The following PTGR3 variants were observed in gnomAD, a reference collection of about 807,000 sequenced individuals.
PTGR3 encodes the protein zinc binding alcohol dehydrogenase domain containing 2.
the PTGR3 span, among the ~76,000 whole-genome samples, chr18:75,203,872 G>A: frequency 6.6e-6 from 1 of 152,154 alleles, no homozygotes; most frequent in African/African-American, 2.4e-5. Flanking sequence ...GCTTGCTTCT[G>A]GACTTCACAG....
At chr18:75,197,163 A>C in the PTGR3 span, 1 of 152,196 alleles carries the variant, frequency 6.6e-6, no homozygotes, top group African/African-American at 2.4e-5. Flanking sequence ...GGAAAAATAA[A>C]ATTCAAAGTT....
the PTGR3 span, chr18:75,201,368 T>C: frequency 1.3e-6 from 2 of 1,484,012 alleles, no homozygotes; most frequent in Non-Finnish European, 1.8e-6. Context: ...TTCTGAGACA[T>C]AAAGTGCCCA....
chr18:75,208,391 C>T, the PTGR3 span: 37 of 987,856 alleles, frequency 3.7e-5, no homozygotes, highest in African/African-American at 3.0e-4. Context: ...CAGCCGGGTC[C>T]CAGCCTCCTT....
chr18:75,199,892 A>G, the PTGR3 span: 2 of 152,616 alleles, frequency 1.3e-5, no homozygotes, highest in Non-Finnish European at 2.9e-5. Flanking sequence ...ATTTGGTTCC[A>G]TTTACCATAT....
chr18:75,202,238 C>G, the PTGR3 span: 1 of 1,614,170 alleles, frequency 6.2e-7, no homozygotes, highest in Non-Finnish European at 8.5e-7. Context: ...CTAGGGCCAC[C>G]ACCTCCCCAA....
the PTGR3 span, chr18:75,198,399 G>C: frequency 6.6e-6 from 1 of 152,124 alleles, no homozygotes; most frequent in Non-Finnish European, 1.5e-5. Context: ...TAATACTAAT[G>C]ACCATTTACA....
At chr18:75,208,938 G>C in the PTGR3 span, 1 of 1,589,508 alleles carries the variant, frequency 6.3e-7, no homozygotes, top group South Asian at 1.1e-5. Context: ...TTGGGGCTCA[G>C]CCGGGTCACC....
At chr18:75,198,906 C>T in the PTGR3 span, 1 of 152,590 alleles carries the variant, frequency 6.6e-6, no homozygotes, top group East Asian at 1.9e-4. Context: ...CGTTTCACCT[C>T]CCATTAGAGG....
the PTGR3 span, chr18:75,201,347 G>T: frequency 1.5e-6 from 2 of 1,348,166 alleles, no homozygotes; most frequent in South Asian, 1.4e-5. Flanking sequence ...AAAATAAATT[G>T]ATTTGAGTAA....
chr18:75,202,031 C>A, the PTGR3 span: 39 of 1,614,032 alleles, frequency 2.4e-5, no homozygotes, highest in Non-Finnish European at 3.3e-5. Flanking sequence ...AAACTTTTTT[C>A]CCTTCCGACA....
chr18:75,203,782 G>A, the PTGR3 span, among the ~76,000 whole-genome samples: 1 of 152,098 alleles, frequency 6.6e-6, no homozygotes. Flanking sequence ...TTTAGAGAAG[G>A]GAAAGAACCT....
At chr18:75,208,530 G>C in the PTGR3 span, 1 of 1,078,562 alleles carries the variant, frequency 9.3e-7, no homozygotes, top group Admixed American at 5.3e-5. Context: ...CCCCTTCTGG[G>C]TCCCGTCGGT....
At chr18:75,208,721 T>C in the PTGR3 span, 4 of 981,460 alleles carry the variant, frequency 4.1e-6, no homozygotes, top group Non-Finnish European at 1.3e-6. Context: ...TCTCGCAAAC[T>C]CAGGCTGTGC....
the PTGR3 span, among the ~76,000 whole-genome samples, chr18:75,202,665 C>CAAAAA: frequency 1.3e-5 from 1 of 79,092 alleles, no homozygotes; most frequent in Non-Finnish European, 3.1e-5. Flanking sequence ...TAGAAATAAG[C>CAAAAA]AAAAAAAAAA....
chr18:75,204,409 T>C, the PTGR3 span, among the ~76,000 whole-genome samples: 1 of 152,218 alleles, frequency 6.6e-6, no homozygotes, highest in Admixed American at 6.5e-5. Flanking sequence ...GGGGCTCTGC[T>C]GGGAGCTGGG....
At chr18:75,202,832 C>G in the PTGR3 span, among the ~76,000 whole-genome samples, 1 of 152,120 alleles carries the variant, frequency 6.6e-6, no homozygotes, top group Non-Finnish European at 1.5e-5. Flanking sequence ...TGTATTGATT[C>G]TGGCAACAAT....
chr18:75,201,787 A>C, the PTGR3 span: 1 of 1,614,214 alleles, frequency 6.2e-7, no homozygotes, highest in Non-Finnish European at 8.5e-7. Flanking sequence ...TCTACAGCCA[A>C]GTCAAACATG....
At chr18:75,201,450 A>G in the PTGR3 span, 3 of 1,612,986 alleles carry the variant, frequency 1.9e-6, no homozygotes, top group East Asian at 2.2e-5. Context: ...AGGTAATTCA[A>G]CTACAATTTT....
At chr18:75,205,375 C>G in the PTGR3 span, 1 of 985,470 alleles carries the variant, frequency 1.0e-6, no homozygotes, top group Middle Eastern at 5.2e-4. Flanking sequence ...CCTTGTACCC[C>G]CACCCCCCCT....
Sources: allele counts gnomAD v4.1 joint callset (sites outside exome capture counted in the v4.1 genomes callset), GRCh38; gene constraint gnomAD v4.1.1; transcripts MANE v1.5; gene names NCBI Gene and HGNC (gene_info 2026-07-23, HGNC 2026-07-21).